The following HPSE2 variants were observed in gnomAD, a reference collection of about 807,000 sequenced individuals.
The protein encoded by HPSE2 is inactive heparanase-2.
HPSE2 carries 38 observed loss-of-function variants against 60.5 expected under a neutral mutation model. The ratio of observed to expected loss-of-function variants is 0.63; its 90% confidence interval spans 0.48 to 0.82. HPSE2 has a LOEUF of 0.82. Ranked by LOEUF, HPSE2 falls within the 40% of genes least tolerant of loss-of-function variation. HPSE2 has a pLI of 0.00. For missense variants in HPSE2, 713 were observed against 740.4 expected, an observed-to-expected ratio of 0.96 and a Z score of 0.43; for synonymous variants, 295 against 293.2, an observed-to-expected ratio of 1.01 and a Z score of -0.06.
intron 3 of HPSE2, among the ~76,000 whole-genome samples, chr10:98,905,417 T>C (rs1387495220): frequency 6.6e-6 from 1 of 151,478 alleles, no homozygotes; most frequent in Non-Finnish European, 1.5e-5. Flanking sequence ...TAACAAGTAC[T>C]TCTAATTGGA....
intron 9 of HPSE2, among the ~76,000 whole-genome samples, chr10:98,544,408 C>T (rs1191678403): frequency 6.6e-6 from 1 of 151,582 alleles, no homozygotes; most frequent in Admixed American, 6.6e-5. Flanking sequence ...CCCTAACATC[C>T]CAATTAAAAG....
intron 9 of HPSE2, among the ~76,000 whole-genome samples, chr10:98,501,991 G>C (rs1460665115): frequency 1.3e-5 from 2 of 149,866 alleles, no homozygotes; most frequent in East Asian, 1.9e-4. Flanking sequence ...ACCTAACCAA[G>C]GAAGTGAAAG....
chr10:99,123,645 C>CT (rs1478561025), intron 3 of HPSE2, among the ~76,000 whole-genome samples: 2 of 152,134 alleles, frequency 1.3e-5, no homozygotes, highest in East Asian at 3.9e-4. Flanking sequence ...ACATGGAAAA[C>CT]TAGGGGTGAG....
intron 3 of HPSE2, among the ~76,000 whole-genome samples, chr10:99,084,323 C>CT (rs910597866): frequency 6.6e-6 from 1 of 150,450 alleles, no homozygotes; most frequent in Non-Finnish European, 1.5e-5. Flanking sequence ...ATTTCAGGTT[C>CT]TTTTTTTTCC....
chr10:98,874,850 C>T (rs565141667), intron 3 of HPSE2, among the ~76,000 whole-genome samples: 5 of 151,792 alleles, frequency 3.3e-5, no homozygotes, highest in East Asian at 1.9e-4. Flanking sequence ...AGGCCTTTTC[C>T]GGATCTATTA....
chr10:99,006,551 G>A (rs1956898598), intron 3 of HPSE2, among the ~76,000 whole-genome samples: 1 of 152,146 alleles, frequency 6.6e-6, no homozygotes, highest in African/African-American at 2.4e-5. Flanking sequence ...ATCTAGGGCA[G>A]AACTGAAGCC....
At chr10:98,767,485 T>C (rs1950145374) in intron 3 of HPSE2, among the ~76,000 whole-genome samples, 1 of 149,408 alleles carries the variant, frequency 6.7e-6, no homozygotes. Context: ...ATATAATACA[T>C]GATATATACA....
intron 3 of HPSE2, among the ~76,000 whole-genome samples, chr10:99,076,363 C>T (rs551489098): frequency 5.9e-5 from 9 of 152,158 alleles, no homozygotes; most frequent in African/African-American, 1.9e-4. Context: ...TGTATCAATT[C>T]ACACATTTTT....
At chr10:99,236,825 C>G (rs1279112199), upstream of HPSE2, among the ~76,000 whole-genome samples, 2 of 152,144 alleles carry the variant, frequency 1.3e-5, no homozygotes, top group Non-Finnish European at 2.9e-5. Context: ...GTCAGGGCGG[C>G]TCTGCGTCCA....
intron 3 of HPSE2, among the ~76,000 whole-genome samples, chr10:99,042,823 T>C (rs559933341): frequency 6.6e-6 from 1 of 152,200 alleles, no homozygotes; most frequent in Admixed American, 6.5e-5. Flanking sequence ...GTCACCTCTC[T>C]CCACACTGCA....
chr10:98,510,401 C>T (rs1942349928), intron 9 of HPSE2, among the ~76,000 whole-genome samples: 2 of 152,208 alleles, frequency 1.3e-5, no homozygotes, highest in Admixed American at 6.5e-5. Context: ...CTGCTCAGAT[C>T]TTATCCCTAG....
rs577489310 is a variant in HPSE2, at chr10:98,808,359, G to A, written c.611-64303C>T. Among the ~76,000 whole-genome samples the A allele has an allele frequency of 6.6e-5, 10 of 152,148 alleles. No homozygotes were observed. In the East Asian group the frequency reaches 1.4e-3, roughly 21 times the overall value. On this transcript the variant is annotated intron_variant, in intron 3 of 11. Coordinates refer to ENST00000370552, the MANE Select transcript of HPSE2 (RefSeq NM_021828.5). ...CAAAGAGTGATTATTCCTTAGAAAC[G>A]TTTCTTTTATTTGTTCTGCTCTTAT...
intron 3 of HPSE2, among the ~76,000 whole-genome samples, chr10:98,901,892 C>T (rs1385601900): frequency 1.3e-5 from 2 of 152,130 alleles, no homozygotes; most frequent in Non-Finnish European, 2.9e-5. Context: ...GTTAACATAA[C>T]GCCTGGCATA....
chr10:99,276,909 C>T, the HPSE2 span, among the ~76,000 whole-genome samples: 16 of 152,210 alleles, frequency 1.1e-4, no homozygotes, highest in Middle Eastern at 3.4e-3. Context: ...TTTAAAATAA[C>T]GCCAAAACTG....
At chr10:99,234,348 G>A (rs1361932855) in intron 1 of HPSE2, among the ~76,000 whole-genome samples, 3 of 152,206 alleles carry the variant, frequency 2.0e-5, no homozygotes, top group African/African-American at 7.2e-5. Flanking sequence ...CCCAAGAGCT[G>A]AGAGGCGGGC....
At chr10:98,690,313 G>A (rs1948042634) in intron 6 of HPSE2, among the ~76,000 whole-genome samples, 1 of 152,176 alleles carries the variant, frequency 6.6e-6, no homozygotes, top group African/African-American at 2.4e-5. Context: ...GGCCAAGGCG[G>A]GTGGATCACG....
chr10:98,822,891 G>C (rs1220404970), intron 3 of HPSE2, among the ~76,000 whole-genome samples: 2 of 152,138 alleles, frequency 1.3e-5, no homozygotes, highest in Non-Finnish European at 2.9e-5. Context: ...TTACTTTATG[G>C]GGCAAAAGAG....
intron 3 of HPSE2, among the ~76,000 whole-genome samples, chr10:99,123,511 T>C (rs1464369819): frequency 6.6e-6 from 1 of 152,174 alleles, no homozygotes; most frequent in Non-Finnish European, 1.5e-5. Flanking sequence ...CTTCTCTCCT[T>C]ATCGCTTCTC....
In HPSE2 at chr10:98,940,537, A is replaced by T. The variant is rs546902985; in HGVS notation, c.611-196481T>A. On this transcript the variant is annotated intron_variant, in intron 3 of 11. Coordinates refer to ENST00000370552, the MANE Select transcript of HPSE2 (RefSeq NM_021828.5). ...ACCCTCCCAAGACTAAACAAGGAAG[A>T]AGTTGAATCTCTGAATAGACCAATA... is the stretch of plus-strand genomic sequence containing the variant. Among the ~76,000 whole-genome samples the T allele has an allele frequency of 9.7e-5, 14 of 143,926 alleles. 2 individuals carry two copies. Among genetic ancestry groups the T allele is most frequent in the African/African-American group, 4.0e-4 (14 of 35,432 alleles). 94.4% of individuals were successfully genotyped at this position (143,926 alleles called of 152,430 possible).
Sources: allele counts gnomAD v4.1 joint callset (sites outside exome capture counted in the v4.1 genomes callset), GRCh38; gene constraint gnomAD v4.1.1; transcripts MANE v1.5; gene names NCBI Gene and HGNC (gene_info 2026-07-23, HGNC 2026-07-21).